The following HTR1F variants were observed in gnomAD, a reference collection of about 807,000 sequenced individuals.
HTR1F encodes 5-hydroxytryptamine receptor 1F, also known as 5-hydroxytryptamine (serotonin) receptor 1F, G protein-coupled.
A neutral mutation model predicts 24.0 loss-of-function variants in HTR1F; 17 were observed. The observed-to-expected ratio is 0.71, with a 90% confidence interval of 0.48 to 1.06. The LOEUF is 1.06. Ranked by LOEUF, HTR1F falls within the 50% of genes least tolerant of loss-of-function variation. HTR1F has a pLI of 0.00. For missense variants in HTR1F, 391 were observed against 427.8 expected (o/e 0.91, Z 0.76); for synonymous variants, 186 against 156.8 (o/e 1.19, Z -1.39).
chr3:87,894,934 C>T (rs866281028), intron 2 of HTR1F, among the ~76,000 whole-genome samples: 12 of 152,054 alleles, frequency 7.9e-5, no homozygotes, highest in Admixed American at 2.6e-4. Flanking sequence ...GCACTGTTAG[C>T]GTGACGCCTG....
chr3:87,990,203 T>C (rs376723037), intron 2 of HTR1F, among the ~76,000 whole-genome samples: 89 of 152,316 alleles, frequency 5.8e-4, no homozygotes, highest in African/African-American at 1.7e-3. Flanking sequence ...TATTTTGTCA[T>C]GCTTCAAGCC....
chr3:87,811,904 A>G (rs1704166825), intron 1 of HTR1F, among the ~76,000 whole-genome samples: 1 of 152,148 alleles, frequency 6.6e-6, no homozygotes, highest in Non-Finnish European at 1.5e-5. Flanking sequence ...TGTTGTTCTC[A>G]TGATAGTGAG....
chr3:87,839,372 A>G (rs1175766397), intron 2 of HTR1F, among the ~76,000 whole-genome samples: 1 of 152,012 alleles, frequency 6.6e-6, no homozygotes, highest in East Asian at 1.9e-4. Flanking sequence ...TCAAAAATGT[A>G]TGGATTTACA....
chr3:87,797,210 G>C (rs532418134), intron 1 of HTR1F, among the ~76,000 whole-genome samples: 4 of 152,240 alleles, frequency 2.6e-5, no homozygotes, highest in African/African-American at 9.6e-5. Context: ...GTATGGATAG[G>C]GAAAAACATA....
chr3:87,793,925 T>C (rs1703858769), intron 1 of HTR1F, among the ~76,000 whole-genome samples: 4 of 149,868 alleles, frequency 2.7e-5, no homozygotes, highest in Admixed American at 2.0e-4. Flanking sequence ...GGAACAGATA[T>C]ATAATTATTA....
At chr3:87,879,317 T>G (rs1705736139) in intron 2 of HTR1F, among the ~76,000 whole-genome samples, 1 of 152,240 alleles carries the variant, frequency 6.6e-6, no homozygotes, top group South Asian at 2.1e-4. Context: ...ATATTTTAAC[T>G]TCTTATTTTT....
intron 2 of HTR1F, among the ~76,000 whole-genome samples, chr3:87,880,017 G>A (rs1186495889): frequency 6.6e-6 from 1 of 152,010 alleles, no homozygotes; most frequent in Non-Finnish European, 1.5e-5. Context: ...GAAAATCTGA[G>A]AGTTAAGGCT....
At chr3:87,916,654 T>A (rs1467683472) in intron 2 of HTR1F, among the ~76,000 whole-genome samples, 1 of 152,038 alleles carries the variant, frequency 6.6e-6, no homozygotes, top group Admixed American at 6.6e-5. Flanking sequence ...TGGTAAAAGG[T>A]CTTGTCCAAC....
intron 2 of HTR1F, among the ~76,000 whole-genome samples, chr3:87,980,853 G>A (rs1036171610): frequency 5.3e-5 from 8 of 152,226 alleles, no homozygotes; most frequent in Admixed American, 2.0e-4. Context: ...GCTCCTAAAT[G>A]AGAGTGGGTG....
intron 2 of HTR1F, among the ~76,000 whole-genome samples, chr3:87,850,624 A>G (rs1705064545): frequency 6.6e-6 from 1 of 151,898 alleles, no homozygotes; most frequent in African/African-American, 2.4e-5. Context: ...AAAGTGAGAA[A>G]GTTATTTAGC....
At chr3:87,958,796 T>A (rs1023882190) in intron 2 of HTR1F, among the ~76,000 whole-genome samples, 1 of 151,626 alleles carries the variant, frequency 6.6e-6, no homozygotes, top group Non-Finnish European at 1.5e-5. Context: ...TTGTGCCTTA[T>A]CTCCTTCACA....
At chr3:87,940,676 C>T (rs1266576236) in intron 2 of HTR1F, among the ~76,000 whole-genome samples, 3 of 152,172 alleles carry the variant, frequency 2.0e-5, no homozygotes, top group Non-Finnish European at 4.4e-5. Flanking sequence ...CCAAGACACT[C>T]GTAAGCAAAA....
intron 2 of HTR1F, among the ~76,000 whole-genome samples, chr3:87,890,423 T>C (rs1706053089): frequency 6.6e-6 from 1 of 152,168 alleles, no homozygotes; most frequent in African/African-American, 2.4e-5. Flanking sequence ...AGATTAAGGT[T>C]CTAAGAGGTT....
intron 2 of HTR1F, among the ~76,000 whole-genome samples, chr3:87,862,380 G>C (rs1305723549): frequency 6.6e-6 from 1 of 152,194 alleles, no homozygotes; most frequent in Non-Finnish European, 1.5e-5. Flanking sequence ...TCTGGGATCA[G>C]TGAACCCTCA....
At chr3:87,956,820 G>A (rs1366703390) in intron 2 of HTR1F, among the ~76,000 whole-genome samples, 1 of 151,200 alleles carries the variant, frequency 6.6e-6, no homozygotes, top group Non-Finnish European at 1.5e-5. Flanking sequence ...TATTAACGTT[G>A]TATCCTGCAA....
intron 2 of HTR1F, among the ~76,000 whole-genome samples, chr3:87,931,158 A>T (rs1409255643): frequency 6.6e-6 from 1 of 151,430 alleles, no homozygotes; most frequent in Non-Finnish European, 1.5e-5. Context: ...TTAACTCATC[A>T]TTTAGCATTA....
At chr3:87,854,902 GAATGT>G (rs1486908546) in intron 2 of HTR1F, among the ~76,000 whole-genome samples, 3 of 151,804 alleles carry the variant, frequency 2.0e-5, no homozygotes, top group African/African-American at 7.3e-5. Context: ...TTTTGTTCCT[GAATGT>G]TTTAAATATT....
intron 2 of HTR1F, among the ~76,000 whole-genome samples, chr3:87,932,422 G>C (rs1473662317): frequency 2.0e-5 from 3 of 152,142 alleles, no homozygotes; most frequent in South Asian, 2.1e-4. Context: ...TTTGGTACCA[G>C]TACCATGCTG....
intron 2 of HTR1F, among the ~76,000 whole-genome samples, chr3:87,888,853 T>C (rs112119925): frequency 0.012 from 1,880 of 152,268 alleles, 34 homozygotes; most frequent in African/African-American, 0.042. Context: ...TCAAAAAATA[T>C]TAGCATCTGT....
Sources: allele counts gnomAD v4.1 joint callset (sites outside exome capture counted in the v4.1 genomes callset), GRCh38; gene constraint gnomAD v4.1.1; transcripts MANE v1.5; gene names NCBI Gene and HGNC (gene_info 2026-07-23, HGNC 2026-07-21).